Variants in GABRB3 observed in about 807,000 individuals in gnomAD.
GABRB3 encodes the protein gamma-aminobutyric acid type A receptor subunit beta3.
GABRB3 carries 14 observed loss-of-function variants against 52.1 expected under a neutral mutation model. The observed-to-expected ratio is 0.27, with a 90% CI of 0.18 to 0.42. The LOEUF (loss-of-function observed/expected upper bound fraction) is 0.42. GABRB3 is among the 10% of genes least tolerant of loss of function. The pLI is 1.00. For synonymous variants in GABRB3, 260 were observed against 232.3 expected, an observed-to-expected ratio of 1.12 and a Z score of -1.08; for missense variants, 307 against 609.1, an observed-to-expected ratio of 0.50 and a Z score of 5.22.
Position 26,561,127 on chromosome 15 carries a change from C to T in GABRB3, c.885G>A (p.Glu295=), listed in dbSNP as rs749704431. 1.2e-6 allele frequency: 2 copies of T among 1,614,192 alleles called. No individual in the cohort carries two copies. The change falls in exon 8 of 9, where the codon GAG becomes GAA. Residue 295 remains glutamate (E), a synonymous_variant. Coordinates refer to ENST00000311550, the MANE Select transcript of GABRB3 (RefSeq NM_000814.6). ...TMTTINTHLR[E]TLPKIPYVKA... ...TGACATAGGGGATTTTGGGCAAGGT[C>T]TCCCGAAGGTGGGTGTTGATGGTTG...
chr15:26,592,413 G>C (rs1891240746), intron 4 of GABRB3, among the ~76,000 whole-genome samples: 1 of 152,138 alleles, frequency 6.6e-6, no homozygotes, highest in Admixed American at 6.5e-5. Flanking sequence ...ATTCTGAATA[G>C]AAGAAGAGAT....
rs75560922 is a variant in GABRB3 at position 26,658,944 on chromosome 15, T to G, written c.241-37410A>C. Among the ~76,000 whole-genome samples the G allele has an allele frequency of 5.4e-3, 820 of 152,338 alleles. 4 individuals carry two copies. Among genetic ancestry groups the G allele is most frequent in the African/African-American group, 0.019 (786 of 41,580 alleles). On this transcript the variant is annotated intron_variant, in intron 3 of 8. Coordinates refer to ENST00000311550, the MANE Select transcript of GABRB3 (RefSeq NM_000814.6). The stretch of plus-strand genomic sequence containing the variant: ...ATAGGTGAGAATCACTACGCTAAAA[T>G]AAATTGATCAAATTGTTCCTACAAG...
chr15:26,576,662 A>C (rs1890604551), intron 6 of GABRB3, among the ~76,000 whole-genome samples: 1 of 152,136 alleles, frequency 6.6e-6, no homozygotes, highest in African/African-American at 2.4e-5. Flanking sequence ...AAGAGAGAAG[A>C]GCTCCATGTT....
At chr15:26,615,403 A>G (rs45487993) in intron 4 of GABRB3, 154,540 of 985,648 alleles carry the variant, frequency 0.16, 12,471 homozygotes, top group African/African-American at 0.26. Context: ...GTTCACCGTC[A>G]TATTCAGCTG....
intron 3 of GABRB3, among the ~76,000 whole-genome samples, chr15:26,764,149 CAAAAAAAAAAAAAAAAA>C (rs1165542034): frequency 6.1e-4 from 11 of 18,162 alleles, no homozygotes; most frequent in South Asian, 4.7e-3. Flanking sequence ...GACTCGGTCT[CAAAAAAAAAAAAAAAAA>C]AAAAAAAAAA....
chr15:26,666,207 A>G (rs1275571327), intron 3 of GABRB3, among the ~76,000 whole-genome samples: 10 of 152,212 alleles, frequency 6.6e-5, no homozygotes, highest in Non-Finnish European at 5.9e-5. Flanking sequence ...TGAATTGTTC[A>G]GATGAAAGCA....
chr15:26,753,999 A>G (rs1194785427), intron 3 of GABRB3, among the ~76,000 whole-genome samples: 1 of 152,226 alleles, frequency 6.6e-6, no homozygotes, highest in Non-Finnish European at 1.5e-5. Context: ...AAATGTATTT[A>G]CTAGGAGACA....
chr15:26,661,332 T>TAC (rs1386816198), intron 3 of GABRB3, among the ~76,000 whole-genome samples: 1 of 152,098 alleles, frequency 6.6e-6, no homozygotes, highest in Non-Finnish European at 1.5e-5. Context: ...AAAGCACATG[T>TAC]ACACGCACAC....
At position 26,645,468 on chromosome 15, in the gene GABRB3, A is replaced by G. The variant is rs1276960627; in HGVS notation, c.241-23934T>C. On this transcript the variant is annotated intron_variant, in intron 3 of 8. Transcript: ENST00000311550. ...GGGTGCAGATGCAATGTGGCTCTCA[A>G]TAGCACCTTATGGACAGTTGTGTCC... Among the ~76,000 whole-genome samples, 6 of 152,164 alleles carry G rather than the reference A, an allele frequency of 3.9e-5. No individual in the cohort carries two copies. The East Asian group carries it at 9.6e-4, about 24-fold the overall frequency.
At chr15:26,615,287 C>T (rs1892213797) in intron 4 of GABRB3, 13 of 985,270 alleles carry the variant, frequency 1.3e-5, no homozygotes, top group Non-Finnish European at 1.6e-5. Flanking sequence ...GTTTGACTGT[C>T]CAAAGGAAAT....
intron 6 of GABRB3, among the ~76,000 whole-genome samples, chr15:26,574,654 C>G (rs1890527194): frequency 6.6e-6 from 1 of 152,132 alleles, no homozygotes. Flanking sequence ...AAAGACCACA[C>G]AAATGATTCC....
intron 4 of GABRB3, among the ~76,000 whole-genome samples, chr15:26,608,494 T>C (rs60240867): frequency 0.15 from 23,533 of 151,928 alleles, 1,806 homozygotes; most frequent in African/African-American, 0.17. Flanking sequence ...AAACAATGAA[T>C]ACTATACAAA....
intron 3 of GABRB3, among the ~76,000 whole-genome samples, chr15:26,623,275 GACC>G (rs1474668007): frequency 6.6e-6 from 1 of 152,194 alleles, no homozygotes; most frequent in African/African-American, 2.4e-5. Flanking sequence ...CCAGGGCAGT[GACC>G]ACAAGGTGGA....
chr15:26,761,818 C>A (rs576248274), intron 3 of GABRB3, among the ~76,000 whole-genome samples: 1 of 152,168 alleles, frequency 6.6e-6, no homozygotes, highest in Admixed American at 6.6e-5. Flanking sequence ...TCAACACACA[C>A]CTCTATCCCT....
At chr15:26,679,391 T>C (rs1025385707) in intron 3 of GABRB3, among the ~76,000 whole-genome samples, 9 of 152,138 alleles carry the variant, frequency 5.9e-5, no homozygotes, top group South Asian at 2.1e-4. Context: ...ACTCACCTGC[T>C]CTTGAGAAGT....
intron 3 of GABRB3, among the ~76,000 whole-genome samples, chr15:26,691,718 G>A (rs112727487): frequency 0.024 from 3,653 of 152,166 alleles, 142 homozygotes; most frequent in African/African-American, 0.084. Flanking sequence ...CCTACCTACT[G>A]ATATCAAGAC....
chr15:26,739,236 A>G (rs541684983), intron 3 of GABRB3, among the ~76,000 whole-genome samples: 2 of 152,080 alleles, frequency 1.3e-5, no homozygotes, highest in African/African-American at 2.4e-5. Flanking sequence ...CAGTAAGGTC[A>G]GTGTCTACAG....
chr15:26,573,923 C>T (rs1309568333), intron 6 of GABRB3, among the ~76,000 whole-genome samples: 10 of 152,046 alleles, frequency 6.6e-5, no homozygotes, highest in African/African-American at 1.9e-4. Flanking sequence ...TGGTGGCACA[C>T]GCCTATAGTC....
At chr15:26,687,580 C>T (rs1458620302) in intron 3 of GABRB3, among the ~76,000 whole-genome samples, 9 of 152,098 alleles carry the variant, frequency 5.9e-5, no homozygotes, top group African/African-American at 2.2e-4. Context: ...TCTCTCCCTT[C>T]CTTCCTTCTC....
Sources: gnomAD v4.1 joint callset for allele counts (sites outside exome capture counted in the v4.1 genomes callset) on GRCh38, gnomAD v4.1.1 for gene constraint, MANE v1.5 for transcripts, NCBI Gene and HGNC (gene_info 2026-07-23, HGNC 2026-07-21) for gene names.